Variants in CUX2 observed in about 807,000 individuals in gnomAD.
CUX2 encodes the protein homeobox protein cut-like 2.
CUX2 carries 40 observed loss-of-function variants against 144.8 expected under a neutral mutation model. That is an observed-to-expected ratio of 0.28 (90% CI 0.21 to 0.36). CUX2 has a LOEUF of 0.36. Ranked by LOEUF, CUX2 falls within the 10% of genes least tolerant of loss-of-function variation. CUX2 has a pLI of 1.00. For synonymous variants in CUX2, 827 were observed against 875.6 expected (o/e 0.94, Z 0.98); for missense variants, 1,615 against 1,994.0 (o/e 0.81, Z 3.62).
At chr12:111,296,362 C>T in intron 7 of CUX2, 111 bp from the exon 8 acceptor site, 1 of 866,506 alleles carries the variant, frequency 1.2e-6, no homozygotes, top group African/African-American at 1.7e-5. Flanking sequence ...ACTACCCGAG[C>T]TCTCATTCTG....
In CUX2 at chr12:111,072,734, A is replaced by C. The variant is rs78219573; in HGVS notation, c.63+38494A>C. Among the ~76,000 whole-genome samples, 1,396 of 152,294 alleles carry C rather than the reference A, an allele frequency of 9.2e-3. 26 individuals are homozygous for C. Among genetic ancestry groups the C allele is most frequent in the African/African-American group, 0.031 (1,301 of 41,554 alleles). On this transcript the variant is annotated intron_variant, in intron 1 of 21. Transcript: ENST00000261726. ...CTGTGGCCCTTGGGCCTGCTTGTTT[A>C]CAGTCTCTGGTTCTATTTATGTCCT...
chr12:111,108,994 G>A (rs764068408), intron 1 of CUX2, among the ~76,000 whole-genome samples: 1 of 152,154 alleles, frequency 6.6e-6, no homozygotes, highest in Non-Finnish European at 1.5e-5. Flanking sequence ...AGAGGCACAC[G>A]AGGTCTGGCT....
chr12:111,088,995 G>C (rs76167653), intron 1 of CUX2, among the ~76,000 whole-genome samples: 2,910 of 152,258 alleles, frequency 0.019, 96 homozygotes, highest in African/African-American at 0.066. Flanking sequence ...CACTCCACTA[G>C]GTTTGCCTTA....
At chr12:111,192,216 T>C (rs1235832193) in intron 1 of CUX2, among the ~76,000 whole-genome samples, 1 of 149,500 alleles carries the variant, frequency 6.7e-6, no homozygotes, top group African/African-American at 2.5e-5. Flanking sequence ...AACCTCTGCC[T>C]TCTGGGTTCA....
At chr12:111,165,667 A>C (rs1023923284) in intron 1 of CUX2, among the ~76,000 whole-genome samples, 3 of 152,176 alleles carry the variant, frequency 2.0e-5, no homozygotes, top group African/African-American at 7.2e-5. Flanking sequence ...TGGGATGTGG[A>C]GAGTGTTCGT....
At chr12:111,136,741 G>A (rs958926987) in intron 1 of CUX2, among the ~76,000 whole-genome samples, 6 of 152,304 alleles carry the variant, frequency 3.9e-5, no homozygotes, top group African/African-American at 1.4e-4. Context: ...GCCAGCCAAG[G>A]TTTGGATCTC....
Position 111,304,728 on chromosome 12 carries a change from G to A in CUX2, c.858+414G>A, listed in dbSNP as rs936234199. Among the ~76,000 whole-genome samples the A allele has an allele frequency of 2.6e-5, 4 of 152,166 alleles. No individual in the cohort carries two copies. The highest frequency in any genetic ancestry group is 5.9e-5 in the Non-Finnish European group (4 of 68,020). The stretch of plus-strand genomic sequence containing the variant: ...AGGCAATACAGCAGCATGCAGTTTT[G>A]GTGGCTGCCACCAGGTGTCGCTGTT... On this transcript the variant is annotated intron_variant, in intron 10 of 21. Transcript: ENST00000261726. The surrounding 1 kb of genome is among the most constrained non-coding windows in gnomAD (Gnocchi z 4.7).
intron 1 of CUX2, among the ~76,000 whole-genome samples, chr12:111,122,223 C>T (rs1248595240): frequency 6.6e-6 from 1 of 152,194 alleles, no homozygotes. Context: ...ATTCTCTCCC[C>T]CACCCGTCCT....
At chr12:111,132,558 T>C (rs1214608442) in intron 1 of CUX2, among the ~76,000 whole-genome samples, 9 of 81,260 alleles carry the variant, frequency 1.1e-4, no homozygotes, top group Non-Finnish European at 1.7e-4. Flanking sequence ...CTCTGTTTCC[T>C]TTTTTTTTTT....
chr12:111,338,744 A>C (rs1888459009), intron 20 of CUX2, among the ~76,000 whole-genome samples: 1 of 151,922 alleles, frequency 6.6e-6, no homozygotes, highest in Admixed American at 6.6e-5. Flanking sequence ...TAAGGCTTGC[A>C]GATCACTTGG....
Position 111,304,106 on chromosome 12 carries a change from C to G in CUX2, c.754-104C>G. On this transcript the variant is annotated intron_variant, in intron 9 of 21. Transcript: ENST00000261726. This position sits in a 1 kb window ranked among gnomAD's most constrained non-coding sequence, Gnocchi z 4.7. ...GGGACTAGGAAGGCAGGACCTGAGGCCCTCGGAGGTCTGCCTCCCCAACCC... is the reference window on the plus strand; with the variant it reads ...GGGACTAGGAAGGCAGGACCTGAGGGCCTCGGAGGTCTGCCTCCCCAACCC... 2.4e-6 allele frequency: 2 copies of G among 828,106 alleles called. No homozygotes were observed. The highest frequency in any genetic ancestry group is 3.9e-6 in the Non-Finnish European group (2 of 507,884). 51.3% of individuals were successfully genotyped at this position (828,106 alleles called of 1,614,324 possible).
intron 4 of CUX2, among the ~76,000 whole-genome samples, chr12:111,283,506 G>A (rs560420550): frequency 6.6e-6 from 1 of 152,266 alleles, no homozygotes; most frequent in East Asian, 1.9e-4. Flanking sequence ...GTCCACAGAT[G>A]ACGGGCACTG....
rs1870561071 is a variant in CUX2, at chr12:111,057,058, G to T, written c.63+22818G>T. Among the ~76,000 whole-genome samples the T allele has an allele frequency of 6.6e-6, 1 of 151,980 alleles. No individual in the cohort carries two copies. Among genetic ancestry groups the T allele is most frequent in the South Asian group, 2.1e-4 (1 of 4,818 alleles). ...TGTGAGGGAATTCAGTGTGACAGGAGATTGTGTGGGGGAGTGTGACAGGAA... is the reference window on the plus strand; with the variant it reads ...TGTGAGGGAATTCAGTGTGACAGGATATTGTGTGGGGGAGTGTGACAGGAA... On this transcript the variant is annotated intron_variant, in intron 1 of 21. Transcript: ENST00000261726. The surrounding 1 kb of genome is among the most constrained non-coding windows in gnomAD (Gnocchi z 5.1).
Position 111,160,389 on chromosome 12 carries a change from GC to G in CUX2, c.64-53810del, listed in dbSNP as rs1242068122. ...TGTATGGGCAAGCATGTGTGTGCGGGCATCTGGGCGTATTCGGGACGTGTGT... is the reference window on the plus strand; with the variant it reads ...TGTATGGGCAAGCATGTGTGTGCGGGATCTGGGCGTATTCGGGACGTGTGT... On this transcript the variant is annotated intron_variant, in intron 1 of 21. Coordinates refer to ENST00000261726, the MANE Select transcript of CUX2 (RefSeq NM_015267.4). This position sits in a 1 kb window ranked among gnomAD's most constrained non-coding sequence, Gnocchi z 4.1. Among the ~76,000 whole-genome samples the G allele has an allele frequency of 2.0e-5, 3 of 152,170 alleles. No individual in the cohort carries two copies. The highest frequency in any genetic ancestry group is 4.4e-5 in the Non-Finnish European group (3 of 68,026).
chr12:111,115,992 A>T (rs1271228369), intron 1 of CUX2, among the ~76,000 whole-genome samples: 1 of 152,168 alleles, frequency 6.6e-6, no homozygotes, highest in East Asian at 1.9e-4. Flanking sequence ...TCACAGTTTG[A>T]TGAATACCTT....
rs77715686 is a variant in CUX2 at position 111,342,116 on chromosome 12, C to T, written c.3659+63C>T. 3.3e-3 allele frequency: 5,113 copies of T among 1,546,958 alleles called. 151 individuals carry two copies. The African/African-American group carries it at 0.058, about 18-fold the overall frequency. Reference sequence around the variant, plus strand: ...AATCCAGGTGGGACCCCTTCCCCATCCCAGGGCCTGGAGGGAGCCCCACAT... The same window carrying T: ...AATCCAGGTGGGACCCCTTCCCCATTCCAGGGCCTGGAGGGAGCCCCACAT... On this transcript the variant is annotated intron_variant, in intron 21 of 21. Transcript: ENST00000261726.
intron 3 of CUX2, among the ~76,000 whole-genome samples, chr12:111,259,380 C>T (rs1883996794): frequency 6.6e-6 from 1 of 152,030 alleles, no homozygotes; most frequent in Non-Finnish European, 1.5e-5. Flanking sequence ...TAAAAGCAGC[C>T]ATAGACACGT....
At position 111,233,265 on chromosome 12, in the gene CUX2, C is replaced by G. The variant is rs187535357; in HGVS notation, c.222+15328C>G. ...CAGCATCATCTTGAGCCAGGTGTCT[C>G]TGGCTCGCTGGCCACCATTGCCTCC... On this transcript the variant is annotated intron_variant, in intron 3 of 21. Coordinates refer to ENST00000261726, the MANE Select transcript of CUX2 (RefSeq NM_015267.4). Among the ~76,000 whole-genome samples, 570 of 152,262 alleles carry G rather than the reference C, an allele frequency of 3.7e-3. 4 individuals are homozygous for G. The highest frequency in any genetic ancestry group is 5.9e-3 in the Non-Finnish European group (403 of 68,016).
At chr12:111,163,537 A>T (rs1877919906) in intron 1 of CUX2, among the ~76,000 whole-genome samples, 1 of 152,212 alleles carries the variant, frequency 6.6e-6, no homozygotes, top group Non-Finnish European at 1.5e-5. Flanking sequence ...GAAGCCAGCC[A>T]TGGTAAGAGA....
Sources: allele counts gnomAD v4.1 joint callset (sites outside exome capture counted in the v4.1 genomes callset), GRCh38; gene constraint gnomAD v4.1.1; non-coding constraint Gnocchi (gnomAD v3.1); transcripts MANE v1.5; gene names NCBI Gene and HGNC (gene_info 2026-07-23, HGNC 2026-07-21).